The following GPC5 variants were observed in gnomAD, a reference collection of about 807,000 sequenced individuals.
The protein encoded by GPC5 is glypican 5.
GPC5 carries 47 observed loss-of-function variants against 53.9 expected under a neutral mutation model. The ratio of observed to expected loss-of-function variants is 0.87; its 90% CI spans 0.69 to 1.11. GPC5 has a LOEUF of 1.11. Ranked by LOEUF, GPC5 falls within the 50% of genes most tolerant of loss-of-function variation. The pLI is 0.00. For synonymous variants in GPC5, 286 were observed against 263.3 expected, an observed-to-expected ratio of 1.09 and a Z score of -0.84; for missense variants, 748 against 713.1, an observed-to-expected ratio of 1.05 and a Z score of -0.56.
chr13:92,659,534 A>T (rs905984360), intron 7 of GPC5, among the ~76,000 whole-genome samples: 6 of 151,858 alleles, frequency 4.0e-5, no homozygotes, highest in Non-Finnish European at 7.4e-5. Flanking sequence ...CCTGCTGCTT[A>T]CTAGATGTGT....
intron 7 of GPC5, among the ~76,000 whole-genome samples, chr13:92,532,581 A>G (rs1379022579): frequency 6.6e-6 from 1 of 152,150 alleles, no homozygotes; most frequent in Non-Finnish European, 1.5e-5. Flanking sequence ...TCTTTTTTTC[A>G]CTTATCAGAG....
intron 7 of GPC5, among the ~76,000 whole-genome samples, chr13:92,170,733 A>T (rs575153152): frequency 1.4e-4 from 21 of 151,618 alleles, no homozygotes; most frequent in African/African-American, 4.8e-4. Flanking sequence ...CTAAAGCAAG[A>T]TTTTCTATTA....
chr13:91,479,850 A>G (rs903314116), intron 2 of GPC5, among the ~76,000 whole-genome samples: 3 of 151,922 alleles, frequency 2.0e-5, no homozygotes, highest in African/African-American at 7.2e-5. Context: ...GGCAAATATA[A>G]AATAATTATT....
intron 7 of GPC5, among the ~76,000 whole-genome samples, chr13:92,281,463 T>A (rs1382353962): frequency 1.3e-5 from 2 of 152,156 alleles, no homozygotes; most frequent in Non-Finnish European, 2.9e-5. Flanking sequence ...AGTGGGTCCC[T>A]GACCACCGAG....
intron 7 of GPC5, among the ~76,000 whole-genome samples, chr13:92,373,457 C>T (rs901827835): frequency 2.6e-5 from 4 of 152,184 alleles, no homozygotes; most frequent in South Asian, 2.1e-4. Flanking sequence ...CCAACAGCTA[C>T]TCTCTTATCT....
chr13:91,663,424 CT>C (rs886867262), intron 2 of GPC5, among the ~76,000 whole-genome samples: 5 of 152,064 alleles, frequency 3.3e-5, no homozygotes, highest in Non-Finnish European at 7.4e-5. Context: ...ATTTTAGCCT[CT>C]TTTTTCCCCC....
intron 7 of GPC5, among the ~76,000 whole-genome samples, chr13:92,516,138 A>G (rs1186589925): frequency 6.6e-6 from 1 of 152,150 alleles, no homozygotes; most frequent in Non-Finnish European, 1.5e-5. Flanking sequence ...TAATAGTACC[A>G]TTTTGTTAGG....
At chr13:92,106,117 G>T (rs1462220766) in intron 6 of GPC5, among the ~76,000 whole-genome samples, 1 of 151,826 alleles carries the variant, frequency 6.6e-6, no homozygotes, top group Non-Finnish European at 1.5e-5. Context: ...GGACATTCAG[G>T]TGTTTCTGTT....
In GPC5 at chr13:91,974,965, G is replaced by A. The variant is rs192233346; in HGVS notation, c.1401+66908G>A. ...GAACAGAGCCCTCAGAAATAATGCC[G>A]CATATCTACAACCATCTGATCTCTC... On this transcript the variant is annotated intron_variant, in intron 6 of 7. Transcript: ENST00000377067. Among the ~76,000 whole-genome samples the A allele has an allele frequency of 1.6e-3, 238 of 152,128 alleles. 2 individuals carry two copies. The highest frequency in any genetic ancestry group is 5.2e-3 in the African/African-American group (216 of 41,506).
At chr13:91,966,857 T>A (rs2040185517) in intron 6 of GPC5, among the ~76,000 whole-genome samples, 1 of 152,020 alleles carries the variant, frequency 6.6e-6, no homozygotes, top group Non-Finnish European at 1.5e-5. Context: ...CTACTGAGAG[T>A]TTAACAACAA....
At chr13:91,831,690 C>T (rs1442214719) in intron 5 of GPC5, among the ~76,000 whole-genome samples, 3 of 151,686 alleles carry the variant, frequency 2.0e-5, no homozygotes, top group African/African-American at 7.3e-5. Context: ...AAAAAGGCAG[C>T]TTACCTTCTT....
At chr13:91,400,842 G>C (rs768993773) in intron 1 of GPC5, among the ~76,000 whole-genome samples, 17 of 152,200 alleles carry the variant, frequency 1.1e-4, no homozygotes, top group East Asian at 1.9e-4. Context: ...CACTGAGACA[G>C]TGTCTTACCA....
intron 7 of GPC5, among the ~76,000 whole-genome samples, chr13:92,661,943 GT>G (rs946810801): frequency 5.9e-5 from 9 of 152,056 alleles, no homozygotes; most frequent in African/African-American, 2.2e-4. Flanking sequence ...AATAACCTCT[GT>G]TTTAAAGGTT....
intron 7 of GPC5, among the ~76,000 whole-genome samples, chr13:92,723,162 T>C (rs1157809492): frequency 6.6e-6 from 1 of 151,696 alleles, no homozygotes; most frequent in Non-Finnish European, 1.5e-5. Flanking sequence ...GAATTCGATA[T>C]AGCTATATGA....
intron 7 of GPC5, among the ~76,000 whole-genome samples, chr13:92,663,583 A>ATG (rs1445863910): frequency 1.2e-5 from 1 of 86,922 alleles, no homozygotes; most frequent in Non-Finnish European, 2.9e-5. Flanking sequence ...CTAAATATAT[A>ATG]TATATATATA....
intron 7 of GPC5, among the ~76,000 whole-genome samples, chr13:92,276,280 TA>T (rs1204973224): frequency 1.3e-5 from 2 of 152,170 alleles, no homozygotes; most frequent in African/African-American, 4.8e-5. Flanking sequence ...ATTTAAAAAT[TA>T]AACTGCAATA....
chr13:92,547,158 A>G (rs1882146662), intron 7 of GPC5, among the ~76,000 whole-genome samples: 1 of 152,210 alleles, frequency 6.6e-6, no homozygotes, highest in South Asian at 2.1e-4. Context: ...GTGTTTTTAA[A>G]TGACAAAATG....
At chr13:91,866,987 G>C (rs186335825) in intron 5 of GPC5, among the ~76,000 whole-genome samples, 1 of 152,108 alleles carries the variant, frequency 6.6e-6, no homozygotes, top group Non-Finnish European at 1.5e-5. Context: ...AGGCCAAGGC[G>C]GGCAGATCAC....
chr13:92,537,571 T>C (rs1388705691), intron 7 of GPC5, among the ~76,000 whole-genome samples: 5 of 152,148 alleles, frequency 3.3e-5, no homozygotes, highest in African/African-American at 1.2e-4. Context: ...GTGTTTATCA[T>C]CATCTCCCTG....
Sources: allele counts gnomAD v4.1 joint callset (sites outside exome capture counted in the v4.1 genomes callset), GRCh38; gene constraint gnomAD v4.1.1; transcripts MANE v1.5; gene names NCBI Gene and HGNC (gene_info 2026-07-23, HGNC 2026-07-21).